FOXN2: variants seen among roughly 807,000 people sequenced by gnomAD.
The protein encoded by FOXN2 is forkhead box N2.
FOXN2 carries 19 observed loss-of-function variants against 41.2 expected under a neutral mutation model. The observed-to-expected ratio is 0.46, with a 90% CI of 0.32 to 0.68. The LOEUF (loss-of-function observed/expected upper bound fraction) is 0.68, where lower values mean the gene tolerates loss of function less well. FOXN2 is among the 30% of genes least tolerant of loss of function. FOXN2 has a pLI of 0.03. For missense variants in FOXN2, 587 were observed against 509.4 expected (o/e 1.15, Z -1.47); for synonymous variants, 195 against 176.8 (o/e 1.10, Z -0.82).
intron 1 of FOXN2, among the ~76,000 whole-genome samples, chr2:48,320,940 T>C (rs1048221617): frequency 6.6e-6 from 1 of 152,188 alleles, no homozygotes; most frequent in Non-Finnish European, 1.5e-5. Context: ...TTGTCAGAGA[T>C]TGCCTAAGTA....
At chr2:48,362,425 C>T (rs1672249780) in intron 4 of FOXN2, among the ~76,000 whole-genome samples, 1 of 151,980 alleles carries the variant, frequency 6.6e-6, no homozygotes, top group South Asian at 2.1e-4. Context: ...AAAAATTAGC[C>T]ACACATGGTA....
At chr2:48,317,322 G>T (rs1483176966) in intron 1 of FOXN2, among the ~76,000 whole-genome samples, 1 of 151,920 alleles carries the variant, frequency 6.6e-6, no homozygotes, top group Non-Finnish European at 1.5e-5. Flanking sequence ...CGTGGGGCAT[G>T]CCTGTAGTCC....
rs529880126 is a variant in FOXN2 at position 48,366,577 on chromosome 2, A to G, written c.703+3870A>G. Among the ~76,000 whole-genome samples the G allele has an allele frequency of 7.2e-5, 11 of 152,276 alleles. 1 individual carries two copies. In the South Asian group the frequency reaches 2.3e-3, roughly 32 times the overall value. ...AAATGTAGCAGAAGTTTAAGAGCTT[A>G]TTTAGCATAATAAGGACTTTGAACA... is the stretch of plus-strand genomic sequence containing the variant. On this transcript the variant is annotated intron_variant, in intron 5 of 6. Coordinates refer to ENST00000340553, the MANE Select transcript of FOXN2 (RefSeq NM_002158.4).
Position 48,326,111 on chromosome 2 carries a change from G to T in FOXN2, c.-156-2450G>T, listed in dbSNP as rs866894089. Among the ~76,000 whole-genome samples, 5 of 152,232 alleles carry T rather than the reference G, an allele frequency of 3.3e-5. No homozygotes were observed. In the South Asian group the frequency reaches 1.0e-3, roughly 32 times the overall value. ...ATGATCTGCCTGCCTTGGCCTACCA[G>T]ATTGCTGGGATTACAGACATGAGCC... is the stretch of plus-strand genomic sequence containing the variant. On this transcript the variant is annotated intron_variant, in intron 1 of 6. Coordinates refer to ENST00000340553, the MANE Select transcript of FOXN2 (RefSeq NM_002158.4).
At chr2:48,357,983 A>G (rs1405817527) in intron 3 of FOXN2, among the ~76,000 whole-genome samples, 4 of 151,850 alleles carry the variant, frequency 2.6e-5, no homozygotes, top group African/African-American at 4.8e-5. Flanking sequence ...TTTCTTTATG[A>G]TAGTGTGATA....
At position 48,314,776 on chromosome 2, in the gene FOXN2, C is replaced by T. The variant is rs1339240943; in HGVS notation, c.-195C>T. Reference sequence around the variant, plus strand: ...GCTGCGGTGCTCTGCCATATTGTGTCTTCCCCGGCCGGTCCCTCGCCTCCC... The same window carrying T: ...GCTGCGGTGCTCTGCCATATTGTGTTTTCCCCGGCCGGTCCCTCGCCTCCC... On this transcript the variant is annotated 5_prime_UTR_variant, in exon 1 of 7. Coordinates refer to ENST00000340553, the MANE Select transcript of FOXN2 (RefSeq NM_002158.4). 1 of 152,242 alleles carries T rather than the reference C, an allele frequency of 6.6e-6. No individual in the cohort carries two copies. The highest frequency in any genetic ancestry group is 2.4e-5 in the African/African-American group (1 of 41,452). 9.4% of individuals were successfully genotyped at this position (152,242 alleles called of 1,614,324 possible).
intron 3 of FOXN2, among the ~76,000 whole-genome samples, chr2:48,352,180 A>G (rs1002364415): frequency 6.6e-6 from 1 of 152,222 alleles, no homozygotes; most frequent in Non-Finnish European, 1.5e-5. Flanking sequence ...ATTACCTTAA[A>G]CAATATCTGA....
chr2:48,318,565 G>A (rs758168589), intron 1 of FOXN2, among the ~76,000 whole-genome samples: 1 of 152,058 alleles, frequency 6.6e-6, no homozygotes, highest in Non-Finnish European at 1.5e-5. Flanking sequence ...GCCTCCTTCC[G>A]ATCTCTACTC....
intron 2 of FOXN2, among the ~76,000 whole-genome samples, chr2:48,335,817 G>A (rs973481245): frequency 2.0e-5 from 3 of 150,126 alleles, no homozygotes; most frequent in Non-Finnish European, 4.4e-5. Context: ...CATGAGGTCA[G>A]GAAATAGAGA....
chr2:48,321,791 A>G (rs1344499685), intron 1 of FOXN2, among the ~76,000 whole-genome samples: 1 of 152,208 alleles, frequency 6.6e-6, no homozygotes, highest in Non-Finnish European at 1.5e-5. Flanking sequence ...GTATTATTTC[A>G]TGAAATGTTT....
chr2:48,342,415 A>G (rs865929909), intron 2 of FOXN2, among the ~76,000 whole-genome samples: 30 of 152,250 alleles, frequency 2.0e-4, no homozygotes, highest in African/African-American at 6.7e-4. Context: ...CTTTTTCCCT[A>G]CATAAGATTA....
In FOXN2 at chr2:48,332,084, G is replaced by A. The variant is rs1418697387; in HGVS notation, c.-15+3382G>A. On this transcript the variant is annotated intron_variant, in intron 2 of 6. Transcript: ENST00000340553. ...CAGAATAGTACATTCTAAATTAGTT[G>A]GACACAATGAATGTAACTAGGAGAT... Among the ~76,000 whole-genome samples the A allele has an allele frequency of 2.0e-5, 3 of 152,096 alleles. No homozygotes were observed. The East Asian group carries it at 5.8e-4, about 29-fold the overall frequency.
rs550071448 is a variant in FOXN2, at chr2:48,377,455, T to C, written c.*2012T>C. 6.6e-6 allele frequency: 1 copy of C among 152,226 alleles called. No individual in the cohort carries two copies. Among genetic ancestry groups the C allele is most frequent in the Admixed American group, 6.5e-5 (1 of 15,288 alleles). 9.4% of individuals were successfully genotyped at this position (152,226 alleles called of 1,614,324 possible). On this transcript the variant is annotated 3_prime_UTR_variant, in exon 7 of 7. Coordinates refer to ENST00000340553, the MANE Select transcript of FOXN2 (RefSeq NM_002158.4). Reference sequence around the variant, plus strand: ...TTTATTTTGTTCTGCTGAAATTCTGTATCACAAATGTGCTACCTGGTTTTT... The same window carrying C: ...TTTATTTTGTTCTGCTGAAATTCTGCATCACAAATGTGCTACCTGGTTTTT...
rs1432692634 is a variant in FOXN2, at chr2:48,377,877, C to G, written c.*2434C>G. The stretch of plus-strand genomic sequence containing the variant: ...CTCATTCCTCAGGTGTTTTGAGAAA[C>G]ATGACTAATAACCACACAATTAAGT... On this transcript the variant is annotated 3_prime_UTR_variant, in exon 7 of 7. Transcript: ENST00000340553. 1.3e-5 allele frequency: 2 copies of G among 151,996 alleles called. No individual in the cohort carries two copies. Among genetic ancestry groups the G allele is most frequent in the African/African-American group, 4.8e-5 (2 of 41,430 alleles). 9.4% of individuals were successfully genotyped at this position (151,996 alleles called of 1,614,324 possible). A position where few individuals can be genotyped will look rare whatever the true frequency, so the allele number is the denominator to read the frequency against.
chr2:48,370,505 A>T (rs1322099113), intron 5 of FOXN2, among the ~76,000 whole-genome samples: 2 of 151,816 alleles, frequency 1.3e-5, no homozygotes, highest in African/African-American at 2.4e-5. Context: ...GATTTCTCTG[A>T]CCTCTATATT....
At chr2:48,330,776 A>G (rs1669973148) in intron 2 of FOXN2, among the ~76,000 whole-genome samples, 1 of 152,146 alleles carries the variant, frequency 6.6e-6, no homozygotes, top group Non-Finnish European at 1.5e-5. Context: ...GTGTAACCCA[A>G]AAATCCTATT....
intron 2 of FOXN2, among the ~76,000 whole-genome samples, chr2:48,335,196 C>G (rs549168111): frequency 4.4e-4 from 67 of 152,112 alleles, no homozygotes; most frequent in African/African-American, 1.5e-3. Context: ...AAATAGAAAA[C>G]AAATACGTTT....
At chr2:48,366,505 CA>C (rs563804512) in intron 5 of FOXN2, among the ~76,000 whole-genome samples, 80 of 152,122 alleles carry the variant, frequency 5.3e-4, no homozygotes, top group African/African-American at 1.9e-3. Flanking sequence ...ATCTGTCTGG[CA>C]TGTTGATATA....
chr2:48,319,284 TA>T (rs1346425842), intron 1 of FOXN2, among the ~76,000 whole-genome samples: 1 of 151,966 alleles, frequency 6.6e-6, no homozygotes, highest in Non-Finnish European at 1.5e-5. Context: ...ACTGAGGAGA[TA>T]AAAAACATTA....
Sources: allele counts gnomAD v4.1 joint callset (sites outside exome capture counted in the v4.1 genomes callset), GRCh38; gene constraint gnomAD v4.1.1; transcripts MANE v1.5; gene names NCBI Gene and HGNC (gene_info 2026-07-23, HGNC 2026-07-21).